MCTP1: variants seen among roughly 807,000 people sequenced by gnomAD.
MCTP1 encodes multiple C2 and transmembrane domain-containing protein 1.
MCTP1 carries 69 observed loss-of-function variants against 120.6 expected under a neutral mutation model. That is an observed-to-expected ratio of 0.57 (90% CI 0.47 to 0.70). The LOEUF is 0.70. Ranked by LOEUF, MCTP1 falls within the 30% of genes least tolerant of loss-of-function variation. The pLI is 0.00. For missense variants in MCTP1, 1,203 were observed against 1,248.8 expected, an observed-to-expected ratio of 0.96 and a Z score of 0.55; for synonymous variants, 529 against 493.1, an observed-to-expected ratio of 1.07 and a Z score of -0.96.
intron 1 of MCTP1, among the ~76,000 whole-genome samples, chr5:95,224,664 C>T (rs1370465247): frequency 6.6e-6 from 1 of 152,122 alleles, no homozygotes; most frequent in East Asian, 1.9e-4. Flanking sequence ...TGCACCACCA[C>T]ATTCAGCTAA....
chr5:94,952,179 A>AAAAAAAAAAAAG (rs776342296), intron 3 of MCTP1, among the ~76,000 whole-genome samples: 1 of 94,564 alleles, frequency 1.1e-5, no homozygotes, highest in Non-Finnish European at 2.8e-5. Context: ...CGCAAAAAAA[A>AAAAAAAAAAAAG]AAAAAAAAAA....
intron 17 of MCTP1, among the ~76,000 whole-genome samples, chr5:94,855,738 G>A (rs1459123975): frequency 6.6e-6 from 1 of 151,676 alleles, no homozygotes; most frequent in Non-Finnish European, 1.5e-5. Context: ...TGACGTAATC[G>A]TGACTTAATG....
chr5:94,734,313 C>G (rs1763730868), intron 19 of MCTP1, among the ~76,000 whole-genome samples: 1 of 152,208 alleles, frequency 6.6e-6, no homozygotes, highest in African/African-American at 2.4e-5. Context: ...TATTGTACTT[C>G]TTTCCAATCT....
At chr5:94,708,776 TTTTAC>T in intron 21 of MCTP1, 167 bp from the exon 22 acceptor site, 1 of 547,078 alleles carries the variant, frequency 1.8e-6, no homozygotes, top group South Asian at 2.3e-5. Context: ...CAACTGCTTT[TTTTAC>T]TTGTACCTTA....
intron 19 of MCTP1, among the ~76,000 whole-genome samples, chr5:94,722,663 C>T (rs929752927): frequency 3.9e-5 from 6 of 152,066 alleles, no homozygotes; most frequent in Non-Finnish European, 7.4e-5. Flanking sequence ...TCCCAAAGAG[C>T]TAATTAATCT....
At chr5:95,175,912 A>C (rs1747917273) in intron 1 of MCTP1, among the ~76,000 whole-genome samples, 1 of 152,140 alleles carries the variant, frequency 6.6e-6, no homozygotes, top group African/African-American at 2.4e-5. Flanking sequence ...AAAAACTGAC[A>C]TCTCTATTAC....
At position 94,870,872 on chromosome 5, in the gene MCTP1, A is replaced by T; in HGVS notation, c.2241T>A (p.Ala747=). 6.2e-7 allele frequency: 1 copy of T among 1,605,762 alleles called. No individual in the cohort carries two copies. The highest frequency in any genetic ancestry group is 8.5e-7 in the Non-Finnish European group (1 of 1,172,620). ...CAAAAAAGCCAAAGTTAAGACTTAC[A>T]GCATTAAAAATCACATCTATTTCAA... ...IYLEIDVIFN[A]VKASLRTLIP... is the part of the protein sequence containing the mutation. Residue 747 remains alanine (A), a splice_region_variant and synonymous_variant, in exon 15 of 23, where the codon GCT becomes GCA. Transcript: ENST00000515393.
intron 19 of MCTP1, among the ~76,000 whole-genome samples, chr5:94,725,508 T>A (rs1761927338): frequency 6.6e-6 from 1 of 152,218 alleles, no homozygotes; most frequent in Non-Finnish European, 1.5e-5. Context: ...GAAAAAGTTG[T>A]AGGATGTACG....
intron 1 of MCTP1, among the ~76,000 whole-genome samples, chr5:95,199,441 G>A (rs1167127295): frequency 1.3e-5 from 2 of 152,100 alleles, no homozygotes; most frequent in African/African-American, 4.8e-5. Context: ...TTTCTAAAAA[G>A]AATATATACA....
chr5:95,154,836 A>C (rs1744917680), intron 1 of MCTP1, among the ~76,000 whole-genome samples: 1 of 152,154 alleles, frequency 6.6e-6, no homozygotes, highest in Non-Finnish European at 1.5e-5. Context: ...AATGGTGGAT[A>C]AATTTTGTGA....
At chr5:94,791,041 G>A (rs1250142061) in intron 18 of MCTP1, among the ~76,000 whole-genome samples, 2 of 150,082 alleles carry the variant, frequency 1.3e-5, no homozygotes, top group African/African-American at 2.4e-5. Flanking sequence ...GGGAGGCCGA[G>A]GCAGGCAGAT....
At position 94,733,954 on chromosome 5, in the gene MCTP1, ACT is replaced by A. The variant is rs529263746; in HGVS notation, c.2611-19070_2611-19069del. 2.8e-3 allele frequency among the ~76,000 whole-genome samples: 410 copies of A among 147,508 alleles called. 1 individual carries two copies. The highest frequency in any genetic ancestry group is 5.3e-3 in the Admixed American group (77 of 14,434). ...ACTCCAGCCTAGGCAACATAGCAAGACTCTGTCTGAAAAAAAAAAAAAGAAAA... is the reference window on the plus strand; with the variant it reads ...ACTCCAGCCTAGGCAACATAGCAAGACTGTCTGAAAAAAAAAAAAAGAAAA... On this transcript the variant is annotated intron_variant, in intron 19 of 22. Transcript: ENST00000515393.
chr5:94,867,069 T>A, intron 17 of MCTP1: 1 of 429,630 alleles, frequency 2.3e-6, no homozygotes, highest in Admixed American at 4.2e-5. Context: ...AAAATAGACA[T>A]AGAAGCTCAG....
In MCTP1 at chr5:95,236,438, C is replaced by CT. The variant is rs138441458; in HGVS notation, c.720+47417dup. Among the ~76,000 whole-genome samples the CT allele has an allele frequency of 4.5e-4, 69 of 152,276 alleles. No individual in the cohort carries two copies. In the East Asian group the frequency reaches 0.01, roughly 23 times the overall value. On this transcript the variant is annotated intron_variant, in intron 1 of 22. Transcript: ENST00000515393. Reference sequence around the variant, plus strand: ...CTTTAGTGTAATTTAACCCAGTTTTCTTTTCAGATCCTGGAAAAAATAGTT... The same window carrying CT: ...CTTTAGTGTAATTTAACCCAGTTTTCTTTTTCAGATCCTGGAAAAAATAGTT...
chr5:94,830,168 C>A (rs577194217), intron 17 of MCTP1, among the ~76,000 whole-genome samples: 2 of 152,218 alleles, frequency 1.3e-5, no homozygotes, highest in South Asian at 4.2e-4. Flanking sequence ...AAACCAAAAC[C>A]AAACTCCTTT....
intron 19 of MCTP1, among the ~76,000 whole-genome samples, chr5:94,741,445 TA>T (rs1765513414): frequency 6.6e-6 from 1 of 152,190 alleles, no homozygotes. Flanking sequence ...CTGCTTTTGG[TA>T]AATAAAATGA....
chr5:95,265,088 T>C (rs1446684051), intron 1 of MCTP1, among the ~76,000 whole-genome samples: 2 of 152,102 alleles, frequency 1.3e-5, no homozygotes, highest in African/African-American at 4.8e-5. Context: ...CTATTAGACA[T>C]CTCCGTTCCT....
chr5:94,721,136 T>TA (rs1368447283), intron 19 of MCTP1, among the ~76,000 whole-genome samples: 2 of 152,294 alleles, frequency 1.3e-5, no homozygotes, highest in African/African-American at 4.8e-5. Flanking sequence ...GCAGACACCA[T>TA]AATCTAGCCT....
intron 1 of MCTP1, among the ~76,000 whole-genome samples, chr5:95,051,755 G>A (rs759061326): frequency 5.9e-4 from 89 of 152,012 alleles, no homozygotes; most frequent in Admixed American, 1.1e-3. Context: ...TGGAGCTGGA[G>A]GCCATTATTC....
Sources: gnomAD v4.1 joint callset for allele counts (sites outside exome capture counted in the v4.1 genomes callset) on GRCh38, gnomAD v4.1.1 for gene constraint, MANE v1.5 for transcripts, NCBI Gene and HGNC (gene_info 2026-07-23, HGNC 2026-07-21) for gene names.